Variants in SPMIP9 observed in about 807,000 individuals in gnomAD.
The protein encoded by SPMIP9 is sperm microtubule inner protein 9.
the SPMIP9 span, among the ~76,000 whole-genome samples, chr2:88,528,241 G>A: frequency 2.6e-5 from 4 of 151,314 alleles, no homozygotes; most frequent in South Asian, 8.4e-4. Flanking sequence ...GGGTTCAAGC[G>A]ATTCTCCTGC....
chr2:88,525,797 G>GT, the SPMIP9 span: 150,355 of 686,392 alleles, frequency 0.22, 3,316 homozygotes, highest in Middle Eastern at 0.29. Flanking sequence ...GGTTTTGTGG[G>GT]TTTTTTTTTT....
chr2:88,529,115 C>T, the SPMIP9 span: 5 of 1,614,048 alleles, frequency 3.1e-6, no homozygotes, highest in African/African-American at 5.3e-5. Flanking sequence ...TAACCCCAAC[C>T]CCAAGCTAAC....
the SPMIP9 span, among the ~76,000 whole-genome samples, chr2:88,527,983 C>T: frequency 6.6e-6 from 1 of 152,130 alleles, no homozygotes; most frequent in Non-Finnish European, 1.5e-5. Context: ...ATTTTCATTT[C>T]ACTAACAATG....
the SPMIP9 span, chr2:88,529,078 G>C: frequency 6.2e-7 from 1 of 1,613,496 alleles, no homozygotes; most frequent in South Asian, 1.1e-5. Context: ...CTCAACTCCG[G>C]GACAAAGAGT....
the SPMIP9 span, chr2:88,529,570 A>T: frequency 1.7e-6 from 2 of 1,167,996 alleles, no homozygotes; most frequent in Admixed American, 2.6e-5. Flanking sequence ...AAAACTGGAA[A>T]GATGTTCCAA....
chr2:88,525,558 G>T, the SPMIP9 span: 1 of 1,531,020 alleles, frequency 6.5e-7, no homozygotes, highest in Non-Finnish European at 9.1e-7. Context: ...AGCCATGCTT[G>T]GTTGGCACAG....
the SPMIP9 span, among the ~76,000 whole-genome samples, chr2:88,525,964 C>A: frequency 0.18 from 27,145 of 152,062 alleles, 2,597 homozygotes; most frequent in Middle Eastern, 0.36. Flanking sequence ...ACTAAACCTG[C>A]TCTAGTGTAC....
At chr2:88,529,132 G>T in the SPMIP9 span, 1 of 1,614,096 alleles carries the variant, frequency 6.2e-7, no homozygotes, top group Non-Finnish European at 8.5e-7. Context: ...TAACAGATGG[G>T]TACCCTGCTT....
the SPMIP9 span, chr2:88,526,610 A>G: frequency 2.6e-6 from 2 of 773,118 alleles, no homozygotes; most frequent in Non-Finnish European, 4.5e-6. Context: ...ACAATATCCA[A>G]TGCCAGGAGA....
chr2:88,526,875 C>T, the SPMIP9 span, among the ~76,000 whole-genome samples: 2 of 152,092 alleles, frequency 1.3e-5, no homozygotes. Context: ...ACCATCCTGG[C>T]CAGGCTGATC....
At chr2:88,525,696 C>T in the SPMIP9 span, 1 of 1,613,890 alleles carries the variant, frequency 6.2e-7, no homozygotes, top group Non-Finnish European at 8.5e-7. Context: ...TTTCTGTCCC[C>T]TGTGACGGTC....
the SPMIP9 span, among the ~76,000 whole-genome samples, chr2:88,527,705 C>T: frequency 6.6e-6 from 1 of 152,058 alleles, no homozygotes; most frequent in East Asian, 1.9e-4. Flanking sequence ...TGCTTTATTC[C>T]TACTCTTCCC....
the SPMIP9 span, chr2:88,529,585 A>C: frequency 9.9e-7 from 1 of 1,005,352 alleles, no homozygotes. Flanking sequence ...TTCCAACTGC[A>C]CTGGGACCCT....
the SPMIP9 span, among the ~76,000 whole-genome samples, chr2:88,525,113 G>A: frequency 6.6e-6 from 1 of 152,252 alleles, no homozygotes; most frequent in South Asian, 2.1e-4. Flanking sequence ...CTCTATCCAG[G>A]GGAAGTGCTG....
chr2:88,527,539 T>TA, the SPMIP9 span, among the ~76,000 whole-genome samples: 1 of 152,238 alleles, frequency 6.6e-6, no homozygotes. Context: ...CTTTATTACA[T>TA]ATTGGATTTG....
the SPMIP9 span, chr2:88,525,674 G>A: frequency 6.2e-7 from 1 of 1,614,206 alleles, no homozygotes; most frequent in Non-Finnish European, 8.5e-7. Context: ...CGGGACAGGT[G>A]AGTGATGTGG....
At chr2:88,525,756 A>G in the SPMIP9 span, 1 of 1,384,864 alleles carries the variant, frequency 7.2e-7, no homozygotes, top group Non-Finnish European at 1.0e-6. Flanking sequence ...GGCTCTTTCT[A>G]GAAGCTCATC....
chr2:88,527,735 AAGATG>A, the SPMIP9 span, among the ~76,000 whole-genome samples: 1 of 152,196 alleles, frequency 6.6e-6, no homozygotes, highest in African/African-American at 2.4e-5. Context: ...TGCTGCATTG[AAGATG>A]AGATAAGTCA....
chr2:88,525,167 T>G, the SPMIP9 span, among the ~76,000 whole-genome samples: 1 of 152,200 alleles, frequency 6.6e-6, no homozygotes, highest in Non-Finnish European at 1.5e-5. Flanking sequence ...CAGTTCATAC[T>G]GGCTCACAAG....
Sources: gnomAD v4.1 joint callset for allele counts (sites outside exome capture counted in the v4.1 genomes callset) on GRCh38, gnomAD v4.1.1 for gene constraint, MANE v1.5 for transcripts, NCBI Gene and HGNC (gene_info 2026-07-23, HGNC 2026-07-21) for gene names.